OLFM2: variants seen among roughly 807,000 people sequenced by gnomAD.
The protein encoded by OLFM2 is olfactomedin 2.
A neutral mutation model predicts 43.9 loss-of-function variants in OLFM2; 20 were observed. The observed-to-expected ratio is 0.46, with a 90% confidence interval of 0.32 to 0.66. The LOEUF (loss-of-function observed/expected upper bound fraction) is 0.66, where lower values mean the gene tolerates loss of function less well. OLFM2 is among the 30% of genes least tolerant of loss of function. The pLI is 0.04. For missense variants in OLFM2, 416 were observed against 643.6 expected (o/e 0.65, Z 3.83); for synonymous variants, 268 against 278.6 (o/e 0.96, Z 0.38).
chr19:9,879,125 T>A lies in OLFM2; in HGVS notation c.64-18331A>T, dbSNP rs115626561. On this transcript the variant is annotated intron_variant, in intron 1 of 5. Transcript: ENST00000264833. The stretch of plus-strand genomic sequence containing the variant: ...TCTCCTGATAAGGAGTGAGTTCTTA[T>A]GAGATCTCGCTGTTTGTTTGTTTAT... Among the ~76,000 whole-genome samples the A allele has an allele frequency of 2.2e-3, 334 of 152,234 alleles. 1 individual carries two copies. The highest frequency in any genetic ancestry group is 7.2e-3 in the African/African-American group (298 of 41,540).
chr19:9,932,347 C>T (rs567075712), intron 1 of OLFM2, among the ~76,000 whole-genome samples: 1 of 151,218 alleles, frequency 6.6e-6, no homozygotes, highest in African/African-American at 2.4e-5. Context: ...CCCAGCTACT[C>T]GGGAGGCTGA....
At chr19:9,905,733 T>C (rs1361741491) in intron 1 of OLFM2, among the ~76,000 whole-genome samples, 3 of 152,034 alleles carry the variant, frequency 2.0e-5, no homozygotes, top group African/African-American at 7.2e-5. Context: ...CCTTGTCCTG[T>C]CTCTGCTGTT....
intron 1 of OLFM2, among the ~76,000 whole-genome samples, chr19:9,933,046 C>T (rs758750409): frequency 3.9e-5 from 6 of 152,148 alleles, no homozygotes; most frequent in Non-Finnish European, 8.8e-5. Flanking sequence ...GTCCACACTG[C>T]TTCTGAAACT....
chr19:9,901,799 G>A (rs1369409612), intron 1 of OLFM2, among the ~76,000 whole-genome samples: 1 of 152,182 alleles, frequency 6.6e-6, no homozygotes, highest in Non-Finnish European at 1.5e-5. Flanking sequence ...TAGGGCACAT[G>A]TGGAGTATCT....
chr19:9,902,216 G>A (rs1286892401), intron 1 of OLFM2, among the ~76,000 whole-genome samples: 1 of 150,456 alleles, frequency 6.6e-6, no homozygotes, highest in East Asian at 2.0e-4. Flanking sequence ...TTTTAGTAGA[G>A]GCGGGGTTTC....
intron 1 of OLFM2, among the ~76,000 whole-genome samples, chr19:9,895,848 C>T (rs577795477): frequency 3.5e-4 from 53 of 151,874 alleles, no homozygotes; most frequent in African/African-American, 1.3e-3. Context: ...GTTGGCCAGG[C>T]TGGTCTCAAA....
chr19:9,932,648 G>A (rs1202659120), intron 1 of OLFM2, among the ~76,000 whole-genome samples: 5 of 152,074 alleles, frequency 3.3e-5, no homozygotes, highest in Non-Finnish European at 1.5e-5. Flanking sequence ...AACAGCAAGT[G>A]TGAAGTCCCT....
At position 9,854,914 on chromosome 19, in the gene OLFM2, G is replaced by A. The variant is rs2046303554; in HGVS notation, c.688-51C>T. The A allele has an allele frequency of 4.2e-6, 6 of 1,413,702 alleles. No individual in the cohort carries two copies. Among genetic ancestry groups the A allele is most frequent in the Non-Finnish European group, 5.7e-6 (6 of 1,047,714 alleles). The allele number at this position is 1,413,702 out of a possible 1,614,324, so 87.6% of individuals were successfully genotyped here. ...GGGGGAACCACCACCAACGACCCAAGGGTCCCAGCACCAGCTACAGCCATT... is the reference window on the plus strand; with the variant it reads ...GGGGGAACCACCACCAACGACCCAAAGGTCCCAGCACCAGCTACAGCCATT... On this transcript the variant is annotated intron_variant, in intron 5 of 5. Transcript: ENST00000264833. The surrounding 1 kb of genome is among the most constrained non-coding windows in gnomAD (Gnocchi z 9.5).
At chr19:9,877,129 C>A (rs899061120) in intron 1 of OLFM2, among the ~76,000 whole-genome samples, 1 of 150,436 alleles carries the variant, frequency 6.6e-6, no homozygotes, top group Non-Finnish European at 1.5e-5. Flanking sequence ...ACTCGGGAGG[C>A]TGAGGGATGA....
rs183929007 is a variant in OLFM2 at position 9,909,691 on chromosome 19, T to C, written c.63+26613A>G. Among the ~76,000 whole-genome samples the C allele has an allele frequency of 4.8e-3, 724 of 152,236 alleles. 7 individuals are homozygous for C. Among genetic ancestry groups the C allele is most frequent in the Middle Eastern group, 0.024 (7 of 294 alleles). On this transcript the variant is annotated intron_variant, in intron 1 of 5. Transcript: ENST00000264833. ...CCTGAACCCCTCAGCCTCCCCGACG[T>C]TGGGGTGCTAAACCTTCCGACATCT...
In OLFM2 at chr19:9,857,351, C is replaced by T. The variant is rs1298917720; in HGVS notation, c.492G>A (p.Gln164=). 1.9e-6 allele frequency: 3 copies of T among 1,614,086 alleles called. No homozygotes were observed. Among genetic ancestry groups the T allele is most frequent in the African/African-American group, 2.7e-5 (2 of 74,930 alleles). Residue 164 remains glutamine, a synonymous_variant, in exon 4 of 6, where the codon CAG becomes CAA. Coordinates refer to ENST00000264833, the MANE Select transcript of OLFM2 (RefSeq NM_058164.4). This position sits in a 1 kb window ranked among gnomAD's most constrained non-coding sequence, Gnocchi z 5.7. ...CATACCCGTAGGCACCCATCTCCTC[C>T]TGAATGGCCGCCAGACTGCCGGAGA... The part of the protein sequence containing the change: ...RNLSGSLAAI[Q]EEMGAYGYED...
intron 1 of OLFM2, among the ~76,000 whole-genome samples, chr19:9,867,062 T>C (rs575822148): frequency 3.3e-5 from 5 of 152,022 alleles, no homozygotes; most frequent in Non-Finnish European, 7.4e-5. Context: ...CCACCACCTA[T>C]ATCTTGGTTC....
At chr19:9,913,613 G>T in intron 1 of OLFM2, 1 of 1,302,392 alleles carries the variant, frequency 7.7e-7, no homozygotes, top group Non-Finnish European at 9.9e-7. Context: ...CAGCGGCACC[G>T]ACATCGCGCC....
chr19:9,883,986 A>G (rs926417437), intron 1 of OLFM2, among the ~76,000 whole-genome samples: 3 of 152,074 alleles, frequency 2.0e-5, no homozygotes, highest in African/African-American at 7.2e-5. Context: ...CAGTAGTCTT[A>G]GCTGGGCATG....
chr19:9,918,081 G>T (rs34782038), intron 1 of OLFM2, among the ~76,000 whole-genome samples: 53,702 of 151,866 alleles, frequency 0.35, 11,503 homozygotes, highest in Admixed American at 0.54. Context: ...GTTTCACCAT[G>T]TTGACCAGGC....
intron 1 of OLFM2, among the ~76,000 whole-genome samples, chr19:9,899,707 A>T (rs1242948226): frequency 6.6e-6 from 1 of 151,804 alleles, no homozygotes; most frequent in Admixed American, 6.6e-5. Flanking sequence ...GCACGCCACC[A>T]TGCCTGGCCA....
At chr19:9,927,523 T>C (rs1315036151) in intron 1 of OLFM2, among the ~76,000 whole-genome samples, 2 of 152,162 alleles carry the variant, frequency 1.3e-5, no homozygotes, top group Non-Finnish European at 2.9e-5. Flanking sequence ...GCATGACCAA[T>C]GACTTTCTTC....
intron 1 of OLFM2, among the ~76,000 whole-genome samples, chr19:9,933,915 T>C (rs556012600): frequency 5.0e-4 from 76 of 152,318 alleles, no homozygotes; most frequent in Non-Finnish European, 9.8e-4. Flanking sequence ...TTGTATTATA[T>C]GTATATTTAG....
chr19:9,860,113 A>C (rs1330670317), intron 2 of OLFM2, among the ~76,000 whole-genome samples: 1 of 150,452 alleles, frequency 6.6e-6, no homozygotes, highest in Non-Finnish European at 1.5e-5. Context: ...CTGCACCTGC[A>C]CTCCAGCCTG....
Sources: gnomAD v4.1 joint callset for allele counts (sites outside exome capture counted in the v4.1 genomes callset) on GRCh38, gnomAD v4.1.1 for gene constraint, Gnocchi (gnomAD v3.1) non-coding constraint, MANE v1.5 for transcripts, NCBI Gene and HGNC (gene_info 2026-07-23, HGNC 2026-07-21) for gene names.